The following TTC39C variants were observed in gnomAD, a reference collection of about 807,000 sequenced individuals.
TTC39C encodes tetratricopeptide repeat domain 39C.
Under a neutral mutation model 76.3 loss-of-function variants are expected in TTC39C, and 33 were observed. The observed-to-expected ratio is 0.43, with a 90% confidence interval of 0.33 to 0.58. The LOEUF (loss-of-function observed/expected upper bound fraction) is 0.58. TTC39C is among the 20% of genes least tolerant of loss of function. TTC39C has a pLI of 0.04. For synonymous variants in TTC39C, 254 were observed against 260.6 expected, an observed-to-expected ratio of 0.97 and a Z score of 0.24; for missense variants, 595 against 701.4, an observed-to-expected ratio of 0.85 and a Z score of 1.71.
intron 1 of TTC39C, among the ~76,000 whole-genome samples, chr18:24,019,392 G>A (rs889648864): frequency 3.9e-5 from 6 of 152,184 alleles, no homozygotes; most frequent in African/African-American, 1.4e-4. Flanking sequence ...TCGTTACTAT[G>A]AATGTTTATT....
chr18:24,044,592 G>T (rs940513536), intron 1 of TTC39C, among the ~76,000 whole-genome samples: 2 of 152,118 alleles, frequency 1.3e-5, no homozygotes, highest in African/African-American at 4.8e-5. Context: ...GGAAAGGGAA[G>T]AACATAGAGC....
chr18:24,127,958 A>G (rs2145829443), intron 10 of TTC39C, among the ~76,000 whole-genome samples: 1 of 152,334 alleles, frequency 6.6e-6, no homozygotes, highest in Admixed American at 6.5e-5. Flanking sequence ...ATTCAGCAGC[A>G]GGCAGTGCTC....
At chr18:24,004,276 C>T (rs1046400814) in intron 1 of TTC39C, among the ~76,000 whole-genome samples, 2 of 152,160 alleles carry the variant, frequency 1.3e-5, no homozygotes, top group African/African-American at 4.8e-5. Context: ...CATCCAGTTC[C>T]CTATCTGTGG....
chr18:24,014,032 G>C (rs1284204094), upstream of TTC39C, among the ~76,000 whole-genome samples: 1 of 152,256 alleles, frequency 6.6e-6, no homozygotes, highest in Non-Finnish European at 1.5e-5. Flanking sequence ...GTTGGTGGCG[G>C]GCTGGAGTGG....
At chr18:23,999,681 A>C (rs1365814235) in intron 1 of TTC39C, among the ~76,000 whole-genome samples, 1 of 152,228 alleles carries the variant, frequency 6.6e-6, no homozygotes, top group Admixed American at 6.5e-5. Flanking sequence ...GCCTAAGCCC[A>C]GCTCTCAGCC....
At chr18:24,130,243 T>C in intron 11 of TTC39C, 70 bp from the exon 12 acceptor site, 1 of 730,876 alleles carries the variant, frequency 1.4e-6, no homozygotes, top group Non-Finnish European at 2.2e-6. Flanking sequence ...CGCCCCCTCT[T>C]GAAGATTATA....
At chr18:24,079,920 G>C (rs2084356866) in intron 4 of TTC39C, among the ~76,000 whole-genome samples, 1 of 150,982 alleles carries the variant, frequency 6.6e-6, no homozygotes, top group Non-Finnish European at 1.5e-5. Context: ...TCCCACCTCA[G>C]CCTCCCAGGT....
In TTC39C at chr18:24,134,255, C is replaced by CTTTTTTTTTTTTTTTTTTTTT. The variant is rs1568450608; in HGVS notation, c.*1682_*1683insTTTTTTTTTTTTTTTTTTTTT. On this transcript the variant is annotated 3_prime_UTR_variant, in exon 14 of 14. Transcript: ENST00000317571. The stretch of plus-strand genomic sequence containing the variant: ...ATTGGTGCCCAAAAATATTGGACAT[C>CTTTTTTTTTTTTTTTTTTTTT]TGTTTTTTGTTTTTTTTTTTTTTTT... 3 of 46,708 alleles carry CTTTTTTTTTTTTTTTTTTTTT rather than the reference C, an allele frequency of 6.4e-5. 1 individual carries two copies. Among genetic ancestry groups the CTTTTTTTTTTTTTTTTTTTTT allele is most frequent in the African/African-American group, 2.5e-4 (3 of 12,012 alleles). 2.9% of individuals were successfully genotyped at this position (46,708 alleles called of 1,614,324 possible).
Position 24,125,450 on chromosome 18 carries a change from C to G in TTC39C, c.1320C>G (p.Thr440=). The stretch of plus-strand genomic sequence containing the variant: ...AGGCAGAGCGATTTCGGAAGCAAAC[C>G]CCAACCAAAGCGCTCTGTGTGTTGG... ...VKKAERFRKQ[T]PTKALCVLAS... Residue 440 remains threonine (T), a synonymous_variant, in exon 10 of 14, where the codon ACC becomes ACG. Coordinates refer to ENST00000317571, the MANE Select transcript of TTC39C (RefSeq NM_001135993.2). The G allele has an allele frequency of 6.2e-7, 1 of 1,614,004 alleles. No individual in the cohort carries two copies. The highest frequency in any genetic ancestry group is 8.5e-7 in the Non-Finnish European group (1 of 1,179,992).
intron 1 of TTC39C, among the ~76,000 whole-genome samples, chr18:24,008,573 A>C (rs922817077): frequency 6.6e-6 from 1 of 152,232 alleles, no homozygotes; most frequent in African/African-American, 2.4e-5. Flanking sequence ...TCATAGTGCC[A>C]CTGTTGGTTG....
In TTC39C at chr18:24,105,012, A is replaced by G. The variant is rs531764918; in HGVS notation, c.985-9542A>G. ...ATCAAAAGATTGATAGAATTTACAT[A>G]AAAATAAACTTCTGTATTGTAAAAA... On this transcript the variant is annotated intron_variant, in intron 6 of 13. Coordinates refer to ENST00000317571, the MANE Select transcript of TTC39C (RefSeq NM_001135993.2). Among the ~76,000 whole-genome samples the G allele has an allele frequency of 3.7e-3, 568 of 152,276 alleles. 2 individuals are homozygous for G. The highest frequency in any genetic ancestry group is 6.1e-3 in the Non-Finnish European group (416 of 68,020).
At chr18:24,031,446 G>A in intron 1 of TTC39C, among the ~76,000 whole-genome samples, 1 of 152,182 alleles carries the variant, frequency 6.6e-6, no homozygotes, top group East Asian at 1.9e-4. Context: ...CAGTTTTCTA[G>A]CCCTGATCTT....
At chr18:24,041,628 C>A (rs1236512968) in intron 1 of TTC39C, among the ~76,000 whole-genome samples, 1 of 152,056 alleles carries the variant, frequency 6.6e-6, no homozygotes, top group Non-Finnish European at 1.5e-5. Context: ...TATCTGTTGC[C>A]CTGATTTGCT....
intron 1 of TTC39C, among the ~76,000 whole-genome samples, chr18:24,062,108 CT>C: frequency 6.6e-6 from 1 of 152,282 alleles, no homozygotes; most frequent in South Asian, 2.1e-4. Context: ...CTTTTCCCCC[CT>C]CTTAAATGAT....
At chr18:24,063,514 C>CTTT (rs541055847) in intron 1 of TTC39C, among the ~76,000 whole-genome samples, 17 of 136,008 alleles carry the variant, frequency 1.2e-4, no homozygotes, top group African/African-American at 1.6e-4. Flanking sequence ...TTGTTTCTAC[C>CTTT]TTTTTTTTTT....
chr18:24,022,814 A>G (rs1448834272), intron 1 of TTC39C: 1 of 985,114 alleles, frequency 1.0e-6, no homozygotes, highest in Admixed American at 6.1e-5. Context: ...CTTCCATGCT[A>G]GTTGTGCTGG....
chr18:24,067,015 T>C (rs146911999), intron 3 of TTC39C, among the ~76,000 whole-genome samples: 77 of 152,362 alleles, frequency 5.1e-4, no homozygotes, highest in South Asian at 1.2e-3. Context: ...CGATGGATTA[T>C]GCTAAAATCT....
intron 1 of TTC39C, among the ~76,000 whole-genome samples, chr18:24,050,996 G>A (rs778432148): frequency 1.8e-4 from 28 of 152,016 alleles, no homozygotes; most frequent in Admixed American, 7.9e-4. Context: ...CTTCATGTAC[G>A]TGTGTGCTAG....
rs1599348811 is a variant in TTC39C, at chr18:24,123,455, G to A, written c.1187-379G>A. 1.8e-5 allele frequency: 3 copies of A among 164,970 alleles called. No homozygotes were observed. In the East Asian group the frequency reaches 5.4e-4, roughly 30 times the overall value. 10.2% of individuals were successfully genotyped at this position (164,970 alleles called of 1,614,324 possible). A position where few individuals can be genotyped will look rare whatever the true frequency, so the allele number is the denominator to read the frequency against. ...AGAGTCTCATTCTGTCGCCCAGGCTGGAGTGCAGTGGTGCGATCTCGGCTC... is the reference window on the plus strand; with the variant it reads ...AGAGTCTCATTCTGTCGCCCAGGCTAGAGTGCAGTGGTGCGATCTCGGCTC... On this transcript the variant is annotated intron_variant, in intron 8 of 13. Coordinates refer to ENST00000317571, the MANE Select transcript of TTC39C (RefSeq NM_001135993.2).
Sources: gnomAD v4.1 joint callset for allele counts (sites outside exome capture counted in the v4.1 genomes callset) on GRCh38, gnomAD v4.1.1 for gene constraint, MANE v1.5 for transcripts, NCBI Gene and HGNC (gene_info 2026-07-23, HGNC 2026-07-21) for gene names.